Variants in DLGAP1 observed in about 807,000 individuals in gnomAD.
DLGAP1 encodes the protein DLG associated protein 1.
Under a neutral mutation model 90.8 loss-of-function variants are expected in DLGAP1, and 11 were observed. That is an observed-to-expected ratio of 0.12 (90% CI 0.08 to 0.20). The LOEUF (loss-of-function observed/expected upper bound fraction) is 0.20, where lower values mean the gene tolerates loss of function less well. Ranked by LOEUF, DLGAP1 falls within the 10% of genes least tolerant of loss-of-function variation. DLGAP1 has a pLI of 1.00. For missense variants in DLGAP1, 1,050 were observed against 1,333.8 expected (o/e 0.79, Z 3.31); for synonymous variants, 558 against 540.7 (o/e 1.03, Z -0.44).
intron 7 of DLGAP1, among the ~76,000 whole-genome samples, chr18:3,584,293 G>A (rs2055748043): frequency 1.3e-5 from 2 of 148,176 alleles, no homozygotes; most frequent in South Asian, 4.3e-4. Flanking sequence ...CACAGGTGGT[G>A]TCACTGTGGC....
At chr18:3,635,110 CAA>C (rs1454028033) in intron 7 of DLGAP1, among the ~76,000 whole-genome samples, 2 of 150,942 alleles carry the variant, frequency 1.3e-5, no homozygotes, top group Admixed American at 1.3e-4. Flanking sequence ...ACAAACTAGT[CAA>C]GAGTCTGGTT....
chr18:3,731,853 A>T (rs974037966), intron 6 of DLGAP1, among the ~76,000 whole-genome samples: 20 of 152,206 alleles, frequency 1.3e-4, no homozygotes, highest in African/African-American at 4.8e-4. Flanking sequence ...TACCCAGATC[A>T]AGAAGCAAAA....
chr18:3,799,345 A>G (rs923138071), intron 5 of DLGAP1, among the ~76,000 whole-genome samples: 6 of 152,104 alleles, frequency 3.9e-5, no homozygotes, highest in African/African-American at 9.7e-5. Flanking sequence ...CCAGAAAGGG[A>G]GAGGGAAGAA....
At chr18:4,391,073 T>A (rs9960788) in intron 1 of DLGAP1, among the ~76,000 whole-genome samples, 6,764 of 152,282 alleles carry the variant, frequency 0.044, 474 homozygotes, top group African/African-American at 0.15. Flanking sequence ...GTATCCTTTT[T>A]ATATAAATTT....
intron 1 of DLGAP1, among the ~76,000 whole-genome samples, chr18:4,389,824 G>A (rs1022941950): frequency 6.6e-6 from 1 of 152,148 alleles, no homozygotes; most frequent in Non-Finnish European, 1.5e-5. Context: ...ACACAATGAC[G>A]TCTATTAAGA....
At chr18:3,835,671 ATCC>A (rs896858835) in intron 4 of DLGAP1, among the ~76,000 whole-genome samples, 1 of 151,536 alleles carries the variant, frequency 6.6e-6, no homozygotes, top group Non-Finnish European at 1.5e-5. Context: ...AAAAGAAAAT[ATCC>A]TCCTTTCTAA....
At chr18:4,390,080 T>C (rs996481626) in intron 1 of DLGAP1, among the ~76,000 whole-genome samples, 2 of 152,134 alleles carry the variant, frequency 1.3e-5, no homozygotes, top group Non-Finnish European at 2.9e-5. Flanking sequence ...TAATAGTGTA[T>C]TGTATTGTTC....
At chr18:4,452,245 A>C (rs1467436765) in intron 1 of DLGAP1, among the ~76,000 whole-genome samples, 1 of 152,240 alleles carries the variant, frequency 6.6e-6, no homozygotes, top group East Asian at 1.9e-4. Context: ...ATAGAAATAC[A>C]CATTAGATAA....
chr18:3,989,828 GA>G (rs1406357795), intron 3 of DLGAP1, among the ~76,000 whole-genome samples: 2 of 152,152 alleles, frequency 1.3e-5, no homozygotes, highest in Non-Finnish European at 2.9e-5. Flanking sequence ...TGAAGGATAT[GA>G]ACAGACACTT....
chr18:3,997,884 T>C (rs1323577111), intron 3 of DLGAP1, among the ~76,000 whole-genome samples: 1 of 152,154 alleles, frequency 6.6e-6, no homozygotes. Context: ...CTGGTGTGTA[T>C]TTTACGTGTA....
At chr18:4,423,070 A>G (rs1338537506) in intron 1 of DLGAP1, among the ~76,000 whole-genome samples, 1 of 152,182 alleles carries the variant, frequency 6.6e-6, no homozygotes, top group Non-Finnish European at 1.5e-5. Context: ...GATATTTTAT[A>G]TACTACTACT....
intron 1 of DLGAP1, among the ~76,000 whole-genome samples, chr18:4,398,331 C>CA (rs1442794339): frequency 0.021 from 6 of 292 alleles, no homozygotes; most frequent in Non-Finnish European, 0.059. Flanking sequence ...TTTCATAAAG[C>CA]AATTTTTTTC....
At chr18:4,151,620 T>A (rs1379247083) in intron 1 of DLGAP1, among the ~76,000 whole-genome samples, 1 of 152,256 alleles carries the variant, frequency 6.6e-6, no homozygotes, top group African/African-American at 2.4e-5. Context: ...AGACATAATA[T>A]ACATATGCGA....
chr18:4,412,016 T>A (rs1182224978), intron 1 of DLGAP1, among the ~76,000 whole-genome samples: 3 of 152,004 alleles, frequency 2.0e-5, no homozygotes, highest in African/African-American at 7.3e-5. Flanking sequence ...GTCAGGGGAG[T>A]TAAAGCAGGG....
At chr18:3,718,185 G>T (rs2061829087) in intron 7 of DLGAP1, among the ~76,000 whole-genome samples, 1 of 152,180 alleles carries the variant, frequency 6.6e-6, no homozygotes, top group Admixed American at 6.5e-5. Context: ...AAAAGGCCCG[G>T]TGCAGCGGCT....
chr18:3,721,578 A>G (rs1030964269), intron 7 of DLGAP1: 3 of 152,216 alleles, frequency 2.0e-5, no homozygotes, highest in Non-Finnish European at 4.4e-5. Flanking sequence ...CATGTCAATA[A>G]TATGTGAACA....
chr18:4,078,882 C>A (rs2075563215), intron 2 of DLGAP1, among the ~76,000 whole-genome samples: 1 of 152,108 alleles, frequency 6.6e-6, no homozygotes, highest in Non-Finnish European at 1.5e-5. Context: ...ATAAAAAGAC[C>A]ACAGATTCAG....
intron 2 of DLGAP1, among the ~76,000 whole-genome samples, chr18:4,012,528 TC>T (rs149066695): frequency 0.051 from 7,796 of 152,246 alleles, 289 homozygotes; most frequent in Middle Eastern, 0.14. Flanking sequence ...CCACTGGCTA[TC>T]CCCAAGCTAC....
intron 9 of DLGAP1, among the ~76,000 whole-genome samples, chr18:3,545,565 G>T (rs182055387): frequency 6.6e-6 from 1 of 152,170 alleles, no homozygotes; most frequent in East Asian, 1.9e-4. Flanking sequence ...TAAAAATAGA[G>T]AAATAAATAG....
Sources: allele counts gnomAD v4.1 joint callset (sites outside exome capture counted in the v4.1 genomes callset), GRCh38; gene constraint gnomAD v4.1.1; transcripts MANE v1.5; gene names NCBI Gene and HGNC (gene_info 2026-07-23, HGNC 2026-07-21).